UMAD1: variants seen among roughly 807,000 people sequenced by gnomAD.
UMAD1 encodes the protein UBAP1-MVB12-associated (UMA) domain containing 1, also known as UBAP1-MVB12-associated (UMA)-domain containing protein 1.
Under a neutral mutation model 6.1 loss-of-function variants are expected in UMAD1, and 8 were observed. The observed-to-expected ratio is 1.30, with a 90% confidence interval of 0.76 to 2.35. The LOEUF (loss-of-function observed/expected upper bound fraction) is 2.35. Ranked by LOEUF, UMAD1 falls within the 30% of genes most tolerant of loss-of-function variation. The pLI is 0.00. For synonymous variants in UMAD1, 56 were observed against 31.4 expected (o/e 1.78, Z -2.61); for missense variants, 130 against 78.4 (o/e 1.66, Z -2.49).
chr7:7,668,142 G>A (rs1393402725), intron 1 of UMAD1, among the ~76,000 whole-genome samples: 1 of 151,870 alleles, frequency 6.6e-6, no homozygotes, highest in Non-Finnish European at 1.5e-5. Context: ...TCAACTCTTG[G>A]GCTCAAGCAA....
At chr7:7,807,690 C>T (rs10233049) in intron 3 of UMAD1, among the ~76,000 whole-genome samples, 4 of 151,968 alleles carry the variant, frequency 2.6e-5, no homozygotes, top group Admixed American at 6.5e-5. Flanking sequence ...CGCATTTACA[C>T]GAATGATTGT....
intron 2 of UMAD1, among the ~76,000 whole-genome samples, chr7:7,697,879 A>G (rs1055964032): frequency 2.0e-5 from 3 of 152,164 alleles, no homozygotes; most frequent in African/African-American, 7.2e-5. Flanking sequence ...TCTCTGTTTG[A>G]GACCAGAAGT....
chr7:7,713,228 CA>C (rs1250991239), intron 2 of UMAD1, among the ~76,000 whole-genome samples: 5 of 151,936 alleles, frequency 3.3e-5, no homozygotes, highest in African/African-American at 1.2e-4. Flanking sequence ...CCTGTAGTCC[CA>C]GCTACTCAGG....
chr7:7,814,064 A>C (rs1362614701), intron 3 of UMAD1, among the ~76,000 whole-genome samples: 1 of 151,990 alleles, frequency 6.6e-6, no homozygotes, highest in Non-Finnish European at 1.5e-5. Context: ...GCTCACTGCA[A>C]CTTCCGCCTC....
chr7:7,655,995 C>T (rs1360186458), intron 1 of UMAD1, among the ~76,000 whole-genome samples: 1 of 152,106 alleles, frequency 6.6e-6, no homozygotes, highest in African/African-American at 2.4e-5. Context: ...GCCATCATGC[C>T]TGGCTAATTT....
chr7:7,706,808 T>C (rs1436693102), intron 2 of UMAD1, among the ~76,000 whole-genome samples: 1 of 152,200 alleles, frequency 6.6e-6, no homozygotes, highest in African/African-American at 2.4e-5. Flanking sequence ...CCGTATGTTC[T>C]ACATCCTATC....
At chr7:7,819,450 C>A (rs1783199636) in intron 3 of UMAD1, among the ~76,000 whole-genome samples, 1 of 152,070 alleles carries the variant, frequency 6.6e-6, no homozygotes, top group African/African-American at 2.4e-5. Context: ...TCTGCAGGGT[C>A]TCTTTAGGTA....
intron 1 of UMAD1, chr7:7,641,039 G>A (rs1240896388): frequency 6.5e-6 from 1 of 152,800 alleles, no homozygotes; most frequent in African/African-American, 2.4e-5. Flanking sequence ...CGTCGGGGTT[G>A]TGATACCCGC....
intron 2 of UMAD1, among the ~76,000 whole-genome samples, chr7:7,781,869 G>C (rs1782352485): frequency 9.2e-6 from 1 of 108,944 alleles, no homozygotes; most frequent in Non-Finnish European, 2.0e-5. Flanking sequence ...TGGTAACCTT[G>C]AAAAAATTAA....
intron 2 of UMAD1, among the ~76,000 whole-genome samples, chr7:7,688,790 C>A (rs1358102074): frequency 6.6e-6 from 1 of 152,128 alleles, no homozygotes; most frequent in Non-Finnish European, 1.5e-5. Flanking sequence ...ATTGTAAGCA[C>A]ATGACTATCA....
At chr7:7,758,465 A>G (rs1176103625) in intron 2 of UMAD1, among the ~76,000 whole-genome samples, 2 of 152,186 alleles carry the variant, frequency 1.3e-5, no homozygotes, top group Admixed American at 1.3e-4. Context: ...TATAAAGTAT[A>G]ATACAACCAA....
At chr7:7,652,526 T>A (rs1563085925) in intron 1 of UMAD1, among the ~76,000 whole-genome samples, 1 of 152,248 alleles carries the variant, frequency 6.6e-6, no homozygotes, top group Non-Finnish European at 1.5e-5. Context: ...GGTTAATGCA[T>A]GGTTGATGCT....
intron 1 of UMAD1, among the ~76,000 whole-genome samples, chr7:7,669,243 C>G (rs544319921): frequency 6.6e-6 from 1 of 152,036 alleles, no homozygotes; most frequent in African/African-American, 2.4e-5. Flanking sequence ...AAGGAGGAAA[C>G]GATTGTATAC....
chr7:7,645,567 C>G (rs940179482), intron 1 of UMAD1, among the ~76,000 whole-genome samples: 32 of 152,300 alleles, frequency 2.1e-4, no homozygotes, highest in African/African-American at 7.7e-4. Flanking sequence ...GAGTATTCCC[C>G]GAAGTCCTTC....
At chr7:7,781,177 C>A (rs1246520549) in intron 2 of UMAD1, among the ~76,000 whole-genome samples, 1 of 152,128 alleles carries the variant, frequency 6.6e-6, no homozygotes, top group Non-Finnish European at 1.5e-5. Flanking sequence ...TTTACATGAA[C>A]TGGATGAACT....
At chr7:7,845,261 G>C (rs1783761533) in intron 3 of UMAD1, among the ~76,000 whole-genome samples, 1 of 151,922 alleles carries the variant, frequency 6.6e-6, no homozygotes, top group Non-Finnish European at 1.5e-5. Flanking sequence ...ATTAATTTTA[G>C]CTATTTCCTT....
intron 2 of UMAD1, among the ~76,000 whole-genome samples, chr7:7,761,738 T>C (rs1361641091): frequency 6.6e-6 from 1 of 152,220 alleles, no homozygotes; most frequent in Non-Finnish European, 1.5e-5. Context: ...ATCCCAATTG[T>C]TTGCATTTAC....
chr7:7,842,322 A>G (rs1026432873), intron 3 of UMAD1, among the ~76,000 whole-genome samples: 5 of 152,186 alleles, frequency 3.3e-5, no homozygotes, highest in African/African-American at 2.4e-5. Flanking sequence ...ATTTCTACAC[A>G]TAATGGTTTT....
chr7:7,761,897 T>C (rs1005490271), intron 2 of UMAD1, among the ~76,000 whole-genome samples: 1 of 152,206 alleles, frequency 6.6e-6, no homozygotes, highest in Non-Finnish European at 1.5e-5. Flanking sequence ...TTCTTATCCG[T>C]CTCCTTTGCA....
Sources: gnomAD v4.1 joint callset for allele counts (sites outside exome capture counted in the v4.1 genomes callset) on GRCh38, gnomAD v4.1.1 for gene constraint, MANE v1.5 for transcripts, NCBI Gene and HGNC (gene_info 2026-07-23, HGNC 2026-07-21) for gene names.